Variants in IREB2 observed in about 807,000 individuals in gnomAD.
IREB2 encodes the protein iron-responsive element-binding protein 2.
IREB2 carries 39 observed loss-of-function variants against 118.8 expected under a neutral mutation model. The observed-to-expected ratio is 0.33, with a 90% CI of 0.25 to 0.43. The LOEUF (loss-of-function observed/expected upper bound fraction) is 0.43, where lower values mean the gene tolerates loss of function less well. Ranked by LOEUF, IREB2 falls within the 20% of genes least tolerant of loss-of-function variation. The pLI is 1.00. For missense variants in IREB2, 900 were observed against 1,147.3 expected (o/e 0.78, Z 3.11); for synonymous variants, 372 against 392.2 (o/e 0.95, Z 0.61).
chr15:78,475,317 A>G (rs987132529), intron 8 of IREB2: 1 of 152,202 alleles, frequency 6.6e-6, no homozygotes, highest in Non-Finnish European at 1.5e-5. Context: ...TGATAGTATA[A>G]TAACCAAGAA....
At chr15:78,449,295 A>C (rs1180219683) in intron 2 of IREB2, among the ~76,000 whole-genome samples, 1 of 152,220 alleles carries the variant, frequency 6.6e-6, no homozygotes, top group Non-Finnish European at 1.5e-5. Flanking sequence ...CCAAGGTCCC[A>C]CAACTAATTA....
intron 16 of IREB2, among the ~76,000 whole-genome samples, chr15:78,489,171 G>A (rs1313464033): frequency 2.6e-5 from 4 of 151,506 alleles, no homozygotes; most frequent in Admixed American, 6.6e-5. Flanking sequence ...GCGGTGATCC[G>A]AGATCGCGCC....
At chr15:78,438,494 C>T in intron 1 of IREB2, 138 bp downstream of exon 1, 1 of 976,960 alleles carries the variant, frequency 1.0e-6, no homozygotes. Flanking sequence ...CCCCTCGGGG[C>T]CTGCCTGCTG....
intron 2 of IREB2, among the ~76,000 whole-genome samples, chr15:78,440,444 C>T (rs1355537760): frequency 6.6e-6 from 1 of 151,704 alleles, no homozygotes; most frequent in Non-Finnish European, 1.5e-5. Context: ...GCTCATACAG[C>T]CTTGAACTCC....
rs985165385 is a variant in IREB2 at position 78,438,245 on chromosome 15, A to T, written c.-93A>T. ...CTGCTTCCTTCTTTCCTCCCTTGCCAGTCCGCCTGTCTTCCTCCCCGTCTT... is the reference window on the plus strand; with the variant it reads ...CTGCTTCCTTCTTTCCTCCCTTGCCTGTCCGCCTGTCTTCCTCCCCGTCTT... On this transcript the variant is annotated 5_prime_UTR_variant, in exon 1 of 22. Coordinates refer to ENST00000258886, the MANE Select transcript of IREB2 (RefSeq NM_004136.4). The T allele has an allele frequency of 7.3e-6, 7 of 964,064 alleles. No homozygotes were observed. The highest frequency in any genetic ancestry group is 1.1e-5 in the Non-Finnish European group (7 of 610,748). The allele number at this position is 964,064 out of a possible 1,614,324, so 59.7% of individuals were successfully genotyped here. A position where few individuals can be genotyped will look rare whatever the true frequency, so the allele number is the denominator to read the frequency against.
intron 10 of IREB2, among the ~76,000 whole-genome samples, chr15:78,481,517 C>T (rs1430998529): frequency 7.8e-5 from 9 of 115,038 alleles, no homozygotes; most frequent in South Asian, 3.4e-4. Flanking sequence ...CACCACACCT[C>T]GCTAATTTTT....
intron 14 of IREB2, 24 bp downstream of exon 14, chr15:78,487,841 CATCTAA>C: frequency 7.6e-7 from 1 of 1,321,226 alleles, no homozygotes; most frequent in Non-Finnish European, 1.1e-6. Context: ...ATTGGCAAGA[CATCTAA>C]ATGATTTTCT....
At chr15:78,444,715 GCTA>G (rs2050900172) in intron 2 of IREB2, among the ~76,000 whole-genome samples, 1 of 152,084 alleles carries the variant, frequency 6.6e-6, no homozygotes, top group Non-Finnish European at 1.5e-5. Context: ...ATGTAAATAT[GCTA>G]CTTTTAATAA....
At chr15:78,488,140 G>T (rs1234427705) in intron 14 of IREB2, 40 bp from the exon 15 acceptor site, 1 of 1,573,352 alleles carries the variant, frequency 6.4e-7, no homozygotes, top group East Asian at 2.3e-5. Flanking sequence ...ACCATCTCTA[G>T]AATTGAATTT....
At chr15:78,447,202 G>A (rs182930746) in intron 2 of IREB2, among the ~76,000 whole-genome samples, 193 of 148,038 alleles carry the variant, frequency 1.3e-3, no homozygotes, top group African/African-American at 3.7e-3. Flanking sequence ...TTTGAGACAG[G>A]ATCTCTCTTT....
upstream of IREB2, chr15:78,438,116 C>T: frequency 1.8e-6 from 1 of 564,904 alleles, no homozygotes; most frequent in Admixed American, 3.1e-5. Flanking sequence ...CGCCCCTTCC[C>T]TTTCTTTGTT....
At chr15:78,439,338 A>G (rs899355612) in intron 1 of IREB2, among the ~76,000 whole-genome samples, 3 of 151,150 alleles carry the variant, frequency 2.0e-5, no homozygotes, top group South Asian at 2.1e-4. Flanking sequence ...TTTTTTTTTA[A>G]TCAGTCCCTC....
intron 9 of IREB2, chr15:78,476,642 G>A (rs2141498065): frequency 4.9e-6 from 1 of 204,126 alleles, no homozygotes; most frequent in South Asian, 1.3e-4. Context: ...CTACTTAGGG[G>A]TCATAGGTTG....
chr15:78,452,660 A>G (rs1345996129), intron 2 of IREB2, among the ~76,000 whole-genome samples: 1 of 152,086 alleles, frequency 6.6e-6, no homozygotes, highest in Non-Finnish European at 1.5e-5. Context: ...TAATCTCAGC[A>G]CTTTGGGAGG....
At chr15:78,474,968 T>A (rs1355465174) in intron 8 of IREB2, 1 of 143,256 alleles carries the variant, frequency 7.0e-6, no homozygotes, top group Non-Finnish European at 1.5e-5. Context: ...GGCAGGAGAA[T>A]GGCGTGAACC....
intron 9 of IREB2, among the ~76,000 whole-genome samples, chr15:78,477,607 T>C (rs1269179110): frequency 6.6e-6 from 1 of 152,126 alleles, no homozygotes; most frequent in Non-Finnish European, 1.5e-5. Flanking sequence ...TCAGTATCCT[T>C]ACCCCCAAAG....
intron 4 of IREB2, 27 bp from the exon 5 acceptor site, chr15:78,466,244 T>A: frequency 6.6e-7 from 1 of 1,525,580 alleles, no homozygotes; most frequent in Non-Finnish European, 9.0e-7. Context: ...TAAATGGCTT[T>A]ATTTTGTTTT....
intron 16 of IREB2, among the ~76,000 whole-genome samples, chr15:78,489,557 C>T (rs975789087): frequency 6.6e-6 from 1 of 152,144 alleles, no homozygotes; most frequent in Non-Finnish European, 1.5e-5. Flanking sequence ...CACTCTGTCA[C>T]CCAGGCTGGA....
intron 20 of IREB2, among the ~76,000 whole-genome samples, chr15:78,495,853 A>G (rs932978240): frequency 6.6e-6 from 1 of 152,224 alleles, no homozygotes; most frequent in Non-Finnish European, 1.5e-5. Context: ...GGAGGTGAAC[A>G]GGAAGACACA....
Sources: allele counts gnomAD v4.1 joint callset (sites outside exome capture counted in the v4.1 genomes callset), GRCh38; gene constraint gnomAD v4.1.1; transcripts MANE v1.5; gene names NCBI Gene and HGNC (gene_info 2026-07-23, HGNC 2026-07-21).